PTPN9: variants seen among roughly 807,000 people sequenced by gnomAD.
The protein encoded by PTPN9 is tyrosine-protein phosphatase non-receptor type 9.
PTPN9 carries 26 observed loss-of-function variants against 69.8 expected under a neutral mutation model. The observed-to-expected ratio is 0.37, with a 90% CI of 0.27 to 0.52. The LOEUF is 0.52. Ranked by LOEUF, PTPN9 falls within the 20% of genes least tolerant of loss-of-function variation. The pLI is 0.91. For missense variants in PTPN9, 549 were observed against 740.3 expected, an observed-to-expected ratio of 0.74 and a Z score of 3.00; for synonymous variants, 274 against 272.5, an observed-to-expected ratio of 1.01 and a Z score of -0.05.
At chr15:75,471,578 G>A (rs1019668998) in intron 10 of PTPN9, among the ~76,000 whole-genome samples, 1 of 147,340 alleles carries the variant, frequency 6.8e-6, no homozygotes, top group African/African-American at 2.5e-5. Flanking sequence ...ACTCCAGCCT[G>A]GATGACAAAG....
At chr15:75,524,356 C>T in intron 2 of PTPN9, 58 bp from the exon 3 acceptor site, 2 of 987,282 alleles carry the variant, frequency 2.0e-6, no homozygotes, top group South Asian at 1.5e-5. Context: ...TCCAGGACAG[C>T]ACCATGTAAC....
chr15:75,476,179 T>C (rs1005205647), intron 9 of PTPN9, among the ~76,000 whole-genome samples: 2 of 151,994 alleles, frequency 1.3e-5, no homozygotes, highest in African/African-American at 4.8e-5. Flanking sequence ...AAATAAATAA[T>C]AGCATACCAT....
chr15:75,509,813 A>G (rs4381565), intron 5 of PTPN9, among the ~76,000 whole-genome samples: 52,218 of 151,842 alleles, frequency 0.34, 10,370 homozygotes, highest in African/African-American at 0.54. Context: ...GTGAAACCCC[A>G]TCTCTACTAA....
At chr15:75,524,172 T>C in intron 3 of PTPN9, 37 bp downstream of exon 3, 5 of 1,139,892 alleles carry the variant, frequency 4.4e-6, no homozygotes, top group Non-Finnish European at 6.1e-6. Flanking sequence ...AAAAAGGAAG[T>C]AATAAGGCCC....
intron 1 of PTPN9, among the ~76,000 whole-genome samples, chr15:75,565,301 T>TATTG (rs1157579012): frequency 2.0e-5 from 3 of 152,094 alleles, no homozygotes; most frequent in African/African-American, 4.8e-5. Flanking sequence ...CTGAAATCAG[T>TATTG]ATTTGGTGAC....
intron 1 of PTPN9, among the ~76,000 whole-genome samples, chr15:75,569,716 T>C (rs1202910385): frequency 6.6e-6 from 1 of 151,904 alleles, no homozygotes; most frequent in Non-Finnish European, 1.5e-5. Flanking sequence ...TTCAGCTCCT[T>C]TCTAAAGGAG....
intron 1 of PTPN9, among the ~76,000 whole-genome samples, chr15:75,531,675 C>T (rs112005772): frequency 5.6e-4 from 85 of 152,088 alleles, no homozygotes; most frequent in Admixed American, 1.4e-3. Context: ...CTCCACCTCC[C>T]GGGTTCACGC....
intron 3 of PTPN9, among the ~76,000 whole-genome samples, chr15:75,523,803 T>C (rs1312233790): frequency 1.3e-5 from 2 of 152,224 alleles, no homozygotes; most frequent in African/African-American, 2.4e-5. Flanking sequence ...ATTCAATTAT[T>C]CAATTATCAT....
chr15:75,506,195 A>C (rs1250193314), intron 6 of PTPN9, among the ~76,000 whole-genome samples, 192 bp from the exon 7 acceptor site: 1 of 152,168 alleles, frequency 6.6e-6, no homozygotes, highest in African/African-American at 2.4e-5. Flanking sequence ...TGCCAGATAA[A>C]AGTGTGAACT....
chr15:75,570,232 T>C (rs923353978), intron 1 of PTPN9: 3 of 152,198 alleles, frequency 2.0e-5, no homozygotes, highest in Non-Finnish European at 4.4e-5. Flanking sequence ...TTCTTCACCT[T>C]TCCTTCCTTC....
At chr15:75,559,646 G>A (rs2141339936) in intron 1 of PTPN9, among the ~76,000 whole-genome samples, 1 of 152,080 alleles carries the variant, frequency 6.6e-6, no homozygotes, top group East Asian at 1.9e-4. Context: ...GAAGGCCGCA[G>A]GGTCCTCTGC....
intron 7 of PTPN9, among the ~76,000 whole-genome samples, chr15:75,492,810 A>G (rs913003450): frequency 3.3e-5 from 5 of 152,120 alleles, no homozygotes; most frequent in African/African-American, 7.2e-5. Context: ...AAGGATCTCA[A>G]TGTAATTAAG....
chr15:75,565,534 AG>A (rs1400710583), intron 1 of PTPN9, among the ~76,000 whole-genome samples: 1 of 152,228 alleles, frequency 6.6e-6, no homozygotes, highest in Non-Finnish European at 1.5e-5. Context: ...ACTAGATGCC[AG>A]TACCACCTCC....
chr15:75,515,820 C>T (rs1025549645), intron 5 of PTPN9, among the ~76,000 whole-genome samples: 1 of 151,966 alleles, frequency 6.6e-6, no homozygotes, highest in African/African-American at 2.4e-5. Context: ...ATCATTTGAA[C>T]CGGGAGGTGG....
intron 5 of PTPN9, among the ~76,000 whole-genome samples, chr15:75,514,022 C>G (rs2074855912): frequency 6.7e-6 from 1 of 150,290 alleles, no homozygotes; most frequent in African/African-American, 2.5e-5. Context: ...TCGCTTGAAC[C>G]TGGGAGGCGG....
intron 1 of PTPN9, among the ~76,000 whole-genome samples, chr15:75,535,540 G>T (rs1278242128): frequency 6.6e-6 from 1 of 152,102 alleles, no homozygotes; most frequent in Admixed American, 6.5e-5. Context: ...GTGTTGTGCA[G>T]AACAAACACC....
chr15:75,525,562 C>T (rs1409705506), intron 2 of PTPN9, among the ~76,000 whole-genome samples: 1 of 151,672 alleles, frequency 6.6e-6, no homozygotes, highest in African/African-American at 2.4e-5. Flanking sequence ...CATTCTCTAC[C>T]TTTATATACC....
chr15:75,520,249 C>A (rs191266830), intron 4 of PTPN9, among the ~76,000 whole-genome samples: 227 of 152,178 alleles, frequency 1.5e-3, no homozygotes, highest in Non-Finnish European at 2.6e-3. Context: ...GCTTTCCCCT[C>A]ATGACTCCAG....
chr15:75,547,697 G>A (rs1188550383), intron 1 of PTPN9, among the ~76,000 whole-genome samples: 3 of 147,730 alleles, frequency 2.0e-5, no homozygotes, highest in East Asian at 4.0e-4. Context: ...ACGAAGCCTC[G>A]CTCTGTCACC....
Sources: allele counts gnomAD v4.1 joint callset (sites outside exome capture counted in the v4.1 genomes callset), GRCh38; gene constraint gnomAD v4.1.1; transcripts MANE v1.5; gene names NCBI Gene and HGNC (gene_info 2026-07-23, HGNC 2026-07-21).